The following KLHL32 variants were observed in gnomAD, a reference collection of about 807,000 sequenced individuals.
KLHL32 encodes the protein kelch like family member 32.
Under a neutral mutation model 64.8 loss-of-function variants are expected in KLHL32, and 35 were observed. The observed-to-expected ratio is 0.54, with a 90% CI of 0.41 to 0.72. KLHL32 has a LOEUF of 0.72. Among genes scored for constraint, KLHL32 ranks in the 30% least tolerant of loss-of-function variants. KLHL32 has a pLI of 0.00. For synonymous variants in KLHL32, 259 were observed against 281.0 expected (o/e 0.92, Z 0.78); for missense variants, 589 against 768.5 (o/e 0.77, Z 2.76).
chr6:97,041,650 C>A, intron 4 of KLHL32, 51 bp downstream of exon 4: 2 of 1,055,238 alleles, frequency 1.9e-6, no homozygotes, highest in Non-Finnish European at 1.5e-6. Context: ...CTACATCTAA[C>A]CAAAGGAGAT....
intron 1 of KLHL32, among the ~76,000 whole-genome samples, chr6:96,934,125 G>T (rs184198357): frequency 6.6e-6 from 1 of 152,160 alleles, no homozygotes; most frequent in Non-Finnish European, 1.5e-5. Context: ...AGGACCTTGC[G>T]TCAGAAAATC....
intron 4 of KLHL32, among the ~76,000 whole-genome samples, chr6:97,051,963 A>T (rs137957757): frequency 6.6e-6 from 1 of 152,198 alleles, no homozygotes; most frequent in Non-Finnish European, 1.5e-5. Context: ...TATGCAGTCT[A>T]TTCATCTGGC....
At chr6:97,134,846 A>G (rs1468115883) in intron 10 of KLHL32, among the ~76,000 whole-genome samples, 2 of 152,224 alleles carry the variant, frequency 1.3e-5, no homozygotes, top group Non-Finnish European at 1.5e-5. Context: ...TTTGTAAGAC[A>G]TAGAAACTTA....
At chr6:96,989,869 T>C (rs1024322241) in intron 3 of KLHL32, among the ~76,000 whole-genome samples, 7 of 152,212 alleles carry the variant, frequency 4.6e-5, no homozygotes, top group Admixed American at 3.9e-4. Flanking sequence ...CTCAGCTTGG[T>C]CTATTCTGCT....
chr6:97,040,901 G>T (rs1450971894), intron 3 of KLHL32, among the ~76,000 whole-genome samples: 2 of 152,062 alleles, frequency 1.3e-5, no homozygotes, highest in South Asian at 4.1e-4. Flanking sequence ...GCCTTGCTTC[G>T]CCTTCACCTT....
intron 4 of KLHL32, among the ~76,000 whole-genome samples, 172 bp from the exon 5 acceptor site, chr6:97,064,456 T>C (rs2128153702): frequency 6.6e-6 from 1 of 152,240 alleles, no homozygotes; most frequent in African/African-American, 2.4e-5. Flanking sequence ...GGGCCACAGC[T>C]CATTAATCAG....
rs767857619 is a variant in KLHL32, at chr6:97,085,358, C to T, written c.627+17C>T. On this transcript the variant is annotated intron_variant, in intron 6 of 10. Transcript: ENST00000369261. ...ATCTGGCAGGTAAGGGCGCTGTGCA[C>T]GGTCGCTTTTGGCACTGAAAAAGCA... 20 of 1,607,874 alleles carry T rather than the reference C, an allele frequency of 1.2e-5. No individual in the cohort carries two copies. The East Asian group carries it at 2.0e-4, about 16-fold the overall frequency.
intron 6 of KLHL32, among the ~76,000 whole-genome samples, chr6:97,106,659 G>A (rs1018696748): frequency 7.2e-5 from 11 of 151,756 alleles, no homozygotes; most frequent in African/African-American, 2.2e-4. Flanking sequence ...CAGGAGAATC[G>A]CTTGAGCCTG....
chr6:97,048,772 G>C (rs76142004), intron 4 of KLHL32, among the ~76,000 whole-genome samples: 18 of 152,276 alleles, frequency 1.2e-4, no homozygotes, highest in African/African-American at 2.4e-4. Context: ...CATCCCTTCA[G>C]GGGTAGAAGT....
chr6:97,110,792 G>A (rs1164251345), intron 6 of KLHL32, among the ~76,000 whole-genome samples: 1 of 152,226 alleles, frequency 6.6e-6, no homozygotes, highest in African/African-American at 2.4e-5. Flanking sequence ...AATGGAGCTA[G>A]CTGGCTATTT....
At chr6:96,909,418 T>C in the KLHL32 span, among the ~76,000 whole-genome samples, 3 of 152,204 alleles carry the variant, frequency 2.0e-5, no homozygotes, top group African/African-American at 7.2e-5. Context: ...GTGTGATTGG[T>C]CTTGATTTTG....
intron 3 of KLHL32, among the ~76,000 whole-genome samples, chr6:97,001,420 G>A (rs978913453): frequency 6.6e-6 from 1 of 152,058 alleles, no homozygotes; most frequent in Non-Finnish European, 1.5e-5. Flanking sequence ...TATTGTTTTC[G>A]AGAAAGGTGG....
Position 97,140,375 on chromosome 6 carries a change from C to T in KLHL32, c.*1093C>T, listed in dbSNP as rs1476832480. On this transcript the variant is annotated 3_prime_UTR_variant, in exon 11 of 11. Transcript: ENST00000369261. Reference sequence around the variant, plus strand: ...TTGGCAGTTCTAATAAAAGTTTTTCCACTTTGTTAAAGGTTATGTCAATCT... The same window carrying T: ...TTGGCAGTTCTAATAAAAGTTTTTCTACTTTGTTAAAGGTTATGTCAATCT... 1.3e-5 allele frequency: 2 copies of T among 151,962 alleles called. No homozygotes were observed. The highest frequency in any genetic ancestry group is 2.9e-5 in the Non-Finnish European group (2 of 67,914). 9.4% of individuals were successfully genotyped at this position (151,962 alleles called of 1,614,324 possible). A position where few individuals can be genotyped will look rare whatever the true frequency, so the allele number is the denominator to read the frequency against.
In KLHL32 at chr6:97,139,380, A is replaced by G; in HGVS notation, c.*98A>G. 1 of 1,068,344 alleles carries G rather than the reference A, an allele frequency of 9.4e-7. No individual in the cohort carries two copies. The highest frequency in any genetic ancestry group is 1.4e-6 in the Non-Finnish European group (1 of 737,964). The allele number at this position is 1,068,344 out of a possible 1,614,324, so 66.2% of individuals were successfully genotyped here. On this transcript the variant is annotated 3_prime_UTR_variant, in exon 11 of 11. Coordinates refer to ENST00000369261, the MANE Select transcript of KLHL32 (RefSeq NM_052904.4). ...GCTCCATGCTTCCTTGTCTTGCTTT[A>G]TAGGTCTTATATTCGGATAAATTTA...
At chr6:97,120,427 G>C (rs1798239038) in intron 7 of KLHL32, among the ~76,000 whole-genome samples, 1 of 152,182 alleles carries the variant, frequency 6.6e-6, no homozygotes, top group African/African-American at 2.4e-5. Context: ...AAGAAAAATA[G>C]GTGTTCAGAA....
upstream of KLHL32, among the ~76,000 whole-genome samples, chr6:96,921,761 C>G (rs1300010773): frequency 6.6e-6 from 1 of 152,096 alleles, no homozygotes; most frequent in East Asian, 1.9e-4. Flanking sequence ...TGTGTAGAGA[C>G]AGTTTCAAAT....
chr6:97,055,099 A>G (rs1310255724), intron 4 of KLHL32, among the ~76,000 whole-genome samples: 2 of 152,166 alleles, frequency 1.3e-5, no homozygotes, highest in Non-Finnish European at 2.9e-5. Flanking sequence ...CAGATACCCA[A>G]TGCCAGGCAA....
Position 97,114,482 on chromosome 6 carries a change from G to C in KLHL32, c.1327G>C (p.Val443Leu). ...DRSLSCHAGY[V>L]ADGLLWISGG... The stretch of plus-strand genomic sequence containing the variant: ...ATCCCTTTCATGCCATGCTGGATAT[G>C]TGGCTGATGGTCTTCTTTGGATATC... The change falls in exon 7 of 11, where the codon GTG becomes CTG. Residue 443 changes from valine (V) to leucine (L), a missense_variant. Val to Leu is a conservative substitution (Grantham distance 32, BLOSUM62 1). This residue lies in a region of KLHL32 where 226 missense variants were observed against 353.2 expected (regional missense o/e 0.64). Coordinates refer to ENST00000369261, the MANE Select transcript of KLHL32 (RefSeq NM_052904.4). The C allele has an allele frequency of 3.7e-6, 6 of 1,614,002 alleles. No individual in the cohort carries two copies. Among genetic ancestry groups the C allele is most frequent in the Non-Finnish European group, 4.2e-6 (5 of 1,180,022 alleles).
At chr6:97,088,718 T>A (rs563666108) in intron 6 of KLHL32, among the ~76,000 whole-genome samples, 6 of 152,284 alleles carry the variant, frequency 3.9e-5, no homozygotes, top group African/African-American at 1.4e-4. Flanking sequence ...ATCTAAACAA[T>A]CCTTATCTGT....
Sources: allele counts gnomAD v4.1 joint callset (sites outside exome capture counted in the v4.1 genomes callset), GRCh38; gene constraint gnomAD v4.1.1; regional missense constraint gnomAD v4.1.1; transcripts MANE v1.5; gene names NCBI Gene and HGNC (gene_info 2026-07-23, HGNC 2026-07-21).